The following CCNB2 variants were observed in gnomAD, a reference collection of about 807,000 sequenced individuals.
CCNB2 encodes the protein G2/mitotic-specific cyclin-B2.
A neutral mutation model predicts 51.1 loss-of-function variants in CCNB2; 39 were observed. That is an observed-to-expected ratio of 0.76 (90% CI 0.59 to 1.00). CCNB2 has a LOEUF of 1.00. Among genes scored for constraint, CCNB2 ranks in the 50% least tolerant of loss-of-function variants. CCNB2 has a pLI of 0.00. For missense variants in CCNB2, 472 were observed against 470.3 expected, an observed-to-expected ratio of 1.00 and a Z score of -0.03; for synonymous variants, 174 against 165.5, an observed-to-expected ratio of 1.05 and a Z score of -0.40.
At chr15:59,116,645 C>G (rs574565044) in intron 5 of CCNB2, 45 bp from the exon 6 acceptor site, 1 of 1,351,342 alleles carries the variant, frequency 7.4e-7, no homozygotes, top group Non-Finnish European at 1.0e-6. Context: ...TAAAGCTTCA[C>G]TCTTCTTGTT....
chr15:59,123,775 T>C, intron 8 of CCNB2, 148 bp downstream of exon 8: 1 of 621,710 alleles, frequency 1.6e-6, no homozygotes, highest in Non-Finnish European at 2.9e-6. Context: ...CCTTTATATT[T>C]TTCTGGTACA....
intron 8 of CCNB2, chr15:59,123,859 C>T: frequency 2.3e-6 from 1 of 438,908 alleles, no homozygotes; most frequent in South Asian, 2.9e-5. Flanking sequence ...CTAGCCATGT[C>T]CAGGCCCAGA....
chr15:59,123,041 G>T (rs1211364767), intron 7 of CCNB2, among the ~76,000 whole-genome samples: 1 of 152,162 alleles, frequency 6.6e-6, no homozygotes, highest in Non-Finnish European at 1.5e-5. Context: ...ATTGTTGCTT[G>T]TAGCACAGTT....
rs760520580 is a variant in CCNB2 at position 59,105,289 on chromosome 15, G to A, written c.21G>A (p.Pro7=). MALLRR[P]TVSSDLENID... ...CCCTCATGGCGCTGCTCCGACGCCC[G>A]ACGGTGAGTGTGCCCGGGGACCGCT... Residue 7 remains proline, a synonymous_variant, in exon 1 of 9, where the codon CCG becomes CCA. Transcript: ENST00000288207. 6.4e-7 allele frequency: 1 copy of A among 1,563,668 alleles called. No homozygotes were observed. The highest frequency in any genetic ancestry group is 1.2e-5 in the South Asian group (1 of 85,406).
chr15:59,111,623 CTGT>C (rs541809080), intron 3 of CCNB2, among the ~76,000 whole-genome samples: 7 of 152,188 alleles, frequency 4.6e-5, no homozygotes, highest in Admixed American at 2.6e-4. Context: ...AGAAGCTCGG[CTGT>C]TGTTCAGCTT....
At chr15:59,106,409 G>T (rs2079235807) in intron 1 of CCNB2, among the ~76,000 whole-genome samples, 1 of 152,072 alleles carries the variant, frequency 6.6e-6, no homozygotes, top group Non-Finnish European at 1.5e-5. Flanking sequence ...AGTTTCCCTG[G>T]CCCCTCTCTC....
At chr15:59,105,616 T>C (rs997910098) in intron 1 of CCNB2, among the ~76,000 whole-genome samples, 5 of 152,204 alleles carry the variant, frequency 3.3e-5, no homozygotes, top group Non-Finnish European at 7.3e-5. Context: ...GTGCTCTTCA[T>C]TGCTAGAGAG....
chr15:59,116,600 T>G (rs2079279721), intron 5 of CCNB2, 90 bp from the exon 6 acceptor site: 1 of 833,978 alleles, frequency 1.2e-6, no homozygotes, highest in Admixed American at 2.2e-5. Context: ...ATGTGCACTT[T>G]TCCAGGACTT....
Position 59,123,631 on chromosome 15 carries a change from A to G in CCNB2, c.1086+4A>G. 1 of 1,537,494 alleles carries G rather than the reference A, an allele frequency of 6.5e-7. No individual in the cohort carries two copies. Among genetic ancestry groups the G allele is most frequent in the Non-Finnish European group, 8.9e-7 (1 of 1,123,510 alleles). Reference sequence around the variant, plus strand: ...TGAAAACTTAACTAAATTCATCGTAAGTACTACTGTTTTCTTAAGCTGTGG... The same window carrying G: ...TGAAAACTTAACTAAATTCATCGTAGGTACTACTGTTTTCTTAAGCTGTGG... On this transcript the variant is annotated splice_donor_region_variant and intron_variant, in intron 8 of 8. Transcript: ENST00000288207.
In CCNB2 at chr15:59,117,754, C is replaced by T. The variant is rs1435719993; in HGVS notation, c.975+386C>T. ...AAAGTGCTAGGATTTCAGGTGTGAG[C>T]CACAGTGCCTGGCCTGAAGCAATTG... is the stretch of plus-strand genomic sequence containing the variant. On this transcript the variant is annotated intron_variant, in intron 7 of 8. Coordinates refer to ENST00000288207, the MANE Select transcript of CCNB2 (RefSeq NM_004701.4). Among the ~76,000 whole-genome samples, 4 of 152,284 alleles carry T rather than the reference C, an allele frequency of 2.6e-5. 1 individual carries two copies. In the South Asian group the frequency reaches 8.3e-4, roughly 32 times the overall value.
At chr15:59,123,743 A>C in intron 8 of CCNB2, 116 bp downstream of exon 8, 1 of 654,624 alleles carries the variant, frequency 1.5e-6, no homozygotes, top group South Asian at 1.8e-5. Context: ...AACATGTGGG[A>C]GTTTTAGCAC....
chr15:59,114,776 G>C lies in CCNB2; in HGVS notation c.497G>C (p.Arg166Pro). ...LDGRDINGRM[R>P]AILVDWLVQV... is the part of the protein sequence containing the mutation. ...GGAAGAGATATAAATGGACGCATGC[G>C]TGCCATCCTAGTGGATTGGCTGGTA... Residue 166 changes from arginine (R) to proline (P), a missense_variant, in exon 5 of 9, where the codon CGT becomes CCT. By Grantham distance (103) the Arg-to-Pro change is moderately radical. Transcript: ENST00000288207. The C allele has an allele frequency of 6.2e-7, 1 of 1,614,094 alleles. No homozygotes were observed.
chr15:59,120,552 T>C (rs1264684373), intron 7 of CCNB2, among the ~76,000 whole-genome samples: 2 of 152,026 alleles, frequency 1.3e-5, no homozygotes, highest in Non-Finnish European at 2.9e-5. Flanking sequence ...CAGTAATAGA[T>C]TATAGTGTAT....
intron 2 of CCNB2, 21 bp downstream of exon 2, chr15:59,107,471 A>T: frequency 6.2e-7 from 1 of 1,614,040 alleles, no homozygotes; most frequent in Non-Finnish European, 8.5e-7. Context: ...TGAAGACTGA[A>T]TGTGAATACA....
chr15:59,122,217 C>T (rs1596333203), intron 7 of CCNB2, among the ~76,000 whole-genome samples: 3 of 135,768 alleles, frequency 2.2e-5, no homozygotes, highest in African/African-American at 5.5e-5. Flanking sequence ...TCACAGAACT[C>T]TTAAATAAAG....
At chr15:59,109,767 G>A (rs1032030082) in intron 3 of CCNB2, among the ~76,000 whole-genome samples, 1 of 152,064 alleles carries the variant, frequency 6.6e-6, no homozygotes, top group Non-Finnish European at 1.5e-5. Context: ...CGGGCGGATC[G>A]CGAGGTCAGG....
At chr15:59,120,032 A>C (rs959479313) in intron 7 of CCNB2, among the ~76,000 whole-genome samples, 12 of 152,330 alleles carry the variant, frequency 7.9e-5, no homozygotes, top group Admixed American at 4.6e-4. Context: ...TTAACAATTA[A>C]AAACAAAAGG....
intron 3 of CCNB2, among the ~76,000 whole-genome samples, chr15:59,108,406 G>C (rs2079244701): frequency 6.6e-6 from 1 of 152,170 alleles, no homozygotes; most frequent in Non-Finnish European, 1.5e-5. Flanking sequence ...TAAGTTAGGA[G>C]GTATTGCACT....
At chr15:59,108,893 G>T (rs2079246477) in intron 3 of CCNB2, among the ~76,000 whole-genome samples, 1 of 152,174 alleles carries the variant, frequency 6.6e-6, no homozygotes. Flanking sequence ...CATTTAAAAA[G>T]CCTTCCCTAG....
Sources: gnomAD v4.1 joint callset for allele counts (sites outside exome capture counted in the v4.1 genomes callset) on GRCh38, gnomAD v4.1.1 for gene constraint, MANE v1.5 for transcripts, NCBI Gene and HGNC (gene_info 2026-07-23, HGNC 2026-07-21) for gene names.